Variants in PAK5 observed in about 807,000 individuals in gnomAD.
The protein encoded by PAK5 is serine/threonine-protein kinase PAK 5.
In PAK5, 16 loss-of-function variants were observed where a neutral mutation model predicts 65.9. The ratio of observed to expected loss-of-function variants is 0.24; its 90% CI spans 0.16 to 0.37. The LOEUF (loss-of-function observed/expected upper bound fraction) is 0.37, where lower values mean the gene tolerates loss of function less well. PAK5 is among the 10% of genes least tolerant of loss of function. The probability of loss-of-function intolerance (pLI) is 1.00; values close to 1 mark genes in which losing one functional copy is unlikely to be tolerated. For missense variants in PAK5, 785 were observed against 903.9 expected, an observed-to-expected ratio of 0.87 and a Z score of 1.69; for synonymous variants, 371 against 354.9, an observed-to-expected ratio of 1.05 and a Z score of -0.51.
intron 3 of PAK5, among the ~76,000 whole-genome samples, chr20:9,636,633 G>C (rs2123244940): frequency 6.6e-6 from 1 of 152,226 alleles, no homozygotes; most frequent in East Asian, 1.9e-4. Context: ...ATTAGAAAAG[G>C]GATGGTAAAT....
intron 2 of PAK5, among the ~76,000 whole-genome samples, chr20:9,686,644 G>A (rs1306757498): frequency 2.0e-5 from 3 of 152,156 alleles, no homozygotes; most frequent in East Asian, 1.9e-4. Context: ...CCTAGGAACA[G>A]TAAAGGCTTC....
Position 9,588,513 on chromosome 20 carries a change from A to G in PAK5, c.205-7583T>C, listed in dbSNP as rs192290077. On this transcript the variant is annotated intron_variant, in intron 3 of 9. Transcript: ENST00000353224. Reference sequence around the variant, plus strand: ...CCCACCCAAAAAAGTATAAGAAAAGAAGACCTGTTAAATCAGAACCAAGGC... The same window carrying G: ...CCCACCCAAAAAAGTATAAGAAAAGGAGACCTGTTAAATCAGAACCAAGGC... Among the ~76,000 whole-genome samples the G allele has an allele frequency of 1.4e-4, 22 of 152,342 alleles. No homozygotes were observed. In the East Asian group the frequency reaches 3.9e-3, roughly 27 times the overall value.
rs1334042532 is a variant in PAK5, at chr20:9,616,736, C to T, written c.204+27389G>A. The stretch of plus-strand genomic sequence containing the variant: ...GGCCCAGAGAGCCAAGCAAAGCATG[C>T]GTCCTTCCTTAGGGGCCTGATAACC... On this transcript the variant is annotated intron_variant, in intron 3 of 9. Coordinates refer to ENST00000353224, the MANE Select transcript of PAK5 (RefSeq NM_177990.4). Among the ~76,000 whole-genome samples the T allele has an allele frequency of 3.3e-5, 5 of 152,120 alleles. No individual in the cohort carries two copies. In the South Asian group the frequency reaches 8.3e-4, roughly 25 times the overall value.
intron 8 of PAK5, 56 bp from the exon 9 acceptor site, chr20:9,542,776 A>G (rs2045287917): frequency 6.5e-7 from 1 of 1,537,494 alleles, no homozygotes; most frequent in African/African-American, 1.4e-5. Flanking sequence ...TGAAATGTCA[A>G]GTGTGTCCAC....
intron 3 of PAK5, among the ~76,000 whole-genome samples, chr20:9,628,778 T>G (rs6056764): frequency 0.88 from 133,636 of 152,162 alleles, 59,094 homozygotes; most frequent in East Asian, 0.99. Flanking sequence ...CATGCTGAAG[T>G]TTCCCTGAGT....
chr20:9,801,862 C>T (rs147208240), intron 1 of PAK5, among the ~76,000 whole-genome samples: 1,942 of 152,158 alleles, frequency 0.013, 47 homozygotes, highest in African/African-American at 0.041. Context: ...AAGGGCATGG[C>T]GCTTCATGTA....
intron 1 of PAK5, among the ~76,000 whole-genome samples, chr20:9,817,722 A>G (rs2049373947): frequency 6.6e-6 from 1 of 152,198 alleles, no homozygotes; most frequent in Non-Finnish European, 1.5e-5. Context: ...ACCAATTTTC[A>G]CAACTAGTGG....
chr20:9,811,846 C>A (rs1196380358), intron 1 of PAK5, among the ~76,000 whole-genome samples: 1 of 152,160 alleles, frequency 6.6e-6, no homozygotes, highest in Admixed American at 6.6e-5. Context: ...GCAAACCACA[C>A]CCTCCAAAAA....
At chr20:9,768,462 TA>T (rs112730254) in intron 1 of PAK5, among the ~76,000 whole-genome samples, 33,025 of 151,746 alleles carry the variant, frequency 0.22, 4,987 homozygotes, top group African/African-American at 0.43. Context: ...GTATCTATAA[TA>T]AAAGTTGAAA....
chr20:9,794,840 G>A (rs548123463), intron 1 of PAK5, among the ~76,000 whole-genome samples: 10 of 151,764 alleles, frequency 6.6e-5, no homozygotes, highest in Non-Finnish European at 1.0e-4. Flanking sequence ...TACATTCGAC[G>A]AAAGAAAAAC....
chr20:9,542,378 T>C (rs909927996), intron 9 of PAK5, among the ~76,000 whole-genome samples: 6 of 152,218 alleles, frequency 3.9e-5, no homozygotes, highest in Admixed American at 3.9e-4. Context: ...ATTTTACAGA[T>C]GAAGAACTTT....
intron 2 of PAK5, among the ~76,000 whole-genome samples, chr20:9,695,275 G>A (rs1260269806): frequency 6.6e-6 from 1 of 151,946 alleles, no homozygotes; most frequent in African/African-American, 2.4e-5. Context: ...TTCTGGATAT[G>A]TCGAACAAAC....
chr20:9,695,214 A>G (rs1460987441), intron 2 of PAK5, among the ~76,000 whole-genome samples: 1 of 151,992 alleles, frequency 6.6e-6, no homozygotes, highest in Non-Finnish European at 1.5e-5. Context: ...GCCGATTTTC[A>G]CATTAGGTTC....
chr20:9,649,589 C>T (rs940290842), intron 2 of PAK5, among the ~76,000 whole-genome samples: 7 of 152,076 alleles, frequency 4.6e-5, no homozygotes, highest in East Asian at 1.9e-4. Context: ...CTGCCTTAAG[C>T]ATATGCCTAG....
chr20:9,704,802 C>T (rs2047985203), intron 2 of PAK5, among the ~76,000 whole-genome samples: 1 of 152,134 alleles, frequency 6.6e-6, no homozygotes, highest in Non-Finnish European at 1.5e-5. Context: ...TGAAGAAATA[C>T]AGCCAGTGGT....
At chr20:9,671,364 C>T (rs2047495305) in intron 2 of PAK5, among the ~76,000 whole-genome samples, 1 of 152,134 alleles carries the variant, frequency 6.6e-6, no homozygotes, top group African/African-American at 2.4e-5. Flanking sequence ...TTACCTTGGG[C>T]AGTATGGCCA....
At chr20:9,598,835 T>A (rs75130876) in intron 3 of PAK5, among the ~76,000 whole-genome samples, 8,627 of 152,288 alleles carry the variant, frequency 0.057, 755 homozygotes, top group African/African-American at 0.19. Context: ...TTTGAATAAA[T>A]GCTTATTGTT....
intron 1 of PAK5, among the ~76,000 whole-genome samples, chr20:9,812,063 A>G (rs1032021564): frequency 3.9e-5 from 6 of 152,200 alleles, no homozygotes; most frequent in African/African-American, 1.4e-4. Flanking sequence ...AGAATCTAAG[A>G]TATTTCCTAG....
At chr20:9,660,812 C>T (rs977077149) in intron 2 of PAK5, among the ~76,000 whole-genome samples, 4 of 151,992 alleles carry the variant, frequency 2.6e-5, no homozygotes, top group Non-Finnish European at 5.9e-5. Context: ...GCTTGTGAAC[C>T]TGAAGAAGGG....
Sources: allele counts gnomAD v4.1 joint callset (sites outside exome capture counted in the v4.1 genomes callset), GRCh38; gene constraint gnomAD v4.1.1; transcripts MANE v1.5; gene names NCBI Gene and HGNC (gene_info 2026-07-23, HGNC 2026-07-21).